The following SAMSN1 variants were observed in gnomAD, a reference collection of about 807,000 sequenced individuals.
SAMSN1 encodes SAM domain, SH3 domain and nuclear localization signals 1, also known as SAM domain-containing protein SAMSN-1.
Under a neutral mutation model 42.0 loss-of-function variants are expected in SAMSN1, and 31 were observed. The observed-to-expected ratio is 0.74, with a 90% CI of 0.55 to 1.00. The LOEUF is 1.00. SAMSN1 is among the 50% of genes least tolerant of loss of function. The pLI, the probability that SAMSN1 is intolerant of heterozygous loss-of-function variation, is 0.00. For synonymous variants in SAMSN1, 178 were observed against 151.9 expected (o/e 1.17, Z -1.26); for missense variants, 464 against 439.4 (o/e 1.06, Z -0.50).
At chr21:14,617,457 A>G (rs118141501) in intron 2 of SAMSN1, among the ~76,000 whole-genome samples, 1 of 152,170 alleles carries the variant, frequency 6.6e-6, no homozygotes, top group South Asian at 2.1e-4. Context: ...AGGAAAGAGG[A>G]TGGCCATCCA....
chr21:14,516,698 G>A (rs1987934825), intron 3 of SAMSN1, among the ~76,000 whole-genome samples, 194 bp downstream of exon 3: 1 of 152,090 alleles, frequency 6.6e-6, no homozygotes, highest in Non-Finnish European at 1.5e-5. Flanking sequence ...GCAGATGCAT[G>A]ATCTTTCTGA....
At chr21:14,580,696 T>C (rs1046360252) in intron 2 of SAMSN1, among the ~76,000 whole-genome samples, 12 of 152,262 alleles carry the variant, frequency 7.9e-5, no homozygotes, top group African/African-American at 2.7e-4. Flanking sequence ...ACTTTAATTC[T>C]AGTCTTTGCA....
intron 1 of SAMSN1, among the ~76,000 whole-genome samples, chr21:14,652,092 A>G (rs1983846248): frequency 1.2e-5 from 1 of 81,386 alleles, no homozygotes; most frequent in South Asian, 3.8e-4. Context: ...TTGAAAGACA[A>G]TTTTGTTAAA....
intron 2 of SAMSN1, among the ~76,000 whole-genome samples, chr21:14,642,336 C>T (rs189560537): frequency 6.6e-6 from 1 of 152,170 alleles, no homozygotes; most frequent in Non-Finnish European, 1.5e-5. Flanking sequence ...ATTCACAGAA[C>T]AATTTGCATT....
At chr21:14,516,100 C>T (rs1405965707) in intron 3 of SAMSN1, among the ~76,000 whole-genome samples, 4 of 152,110 alleles carry the variant, frequency 2.6e-5, no homozygotes, top group Admixed American at 6.5e-5. Flanking sequence ...AAACAATTTG[C>T]CAGTTTCTCT....
At chr21:14,558,998 G>T (rs1401781369) in intron 2 of SAMSN1, among the ~76,000 whole-genome samples, 1 of 152,082 alleles carries the variant, frequency 6.6e-6, no homozygotes, top group Admixed American at 6.6e-5. Flanking sequence ...TCATTGAAAT[G>T]AAATATCTCC....
intron 1 of SAMSN1, among the ~76,000 whole-genome samples, chr21:14,647,145 T>C (rs1387722768): frequency 1.3e-5 from 2 of 152,294 alleles, no homozygotes; most frequent in South Asian, 2.1e-4. Context: ...TGAAAAAACA[T>C]AACCCATCAA....
rs555862013 is a variant in SAMSN1 at position 14,607,790 on chromosome 21, G to A, written c.322+1692C>T. Among the ~76,000 whole-genome samples, 37 of 152,274 alleles carry A rather than the reference G, an allele frequency of 2.4e-4. No homozygotes were observed. In the East Asian group the frequency reaches 6.9e-3, roughly 29 times the overall value. On this transcript the variant is annotated intron_variant, in intron 5 of 15. Coordinates refer to the SAMSN1 transcript ENST00000647101. ...GAAAGGTAGTTTTAGGAAATAGAAT[G>A]CTTGAAGAAATTTATGGAAAAATTT...
At chr21:14,601,976 A>G (rs1982445023) in intron 6 of SAMSN1, 1 of 645,962 alleles carries the variant, frequency 1.5e-6, no homozygotes, top group South Asian at 1.8e-5. Flanking sequence ...GAGCTGAGTA[A>G]CAAGACGATT....
chr21:14,590,031 T>G (rs1982032297), intron 7 of SAMSN1, among the ~76,000 whole-genome samples: 2 of 152,186 alleles, frequency 1.3e-5, no homozygotes, highest in South Asian at 4.1e-4. Flanking sequence ...GACAGTTTTC[T>G]CTAAGTTTTC....
chr21:14,505,229 G>T (rs1400317830), intron 5 of SAMSN1, among the ~76,000 whole-genome samples: 1 of 152,176 alleles, frequency 6.6e-6, no homozygotes, highest in Non-Finnish European at 1.5e-5. Context: ...ATAGCATGAT[G>T]AATGGAATAG....
At chr21:14,625,611 G>A (rs1568835602) in intron 2 of SAMSN1, among the ~76,000 whole-genome samples, 1 of 152,132 alleles carries the variant, frequency 6.6e-6, no homozygotes, top group Non-Finnish European at 1.5e-5. Flanking sequence ...GCAAACCACT[G>A]CTCAATGAGA....
chr21:14,605,135 A>G (rs143439847), intron 5 of SAMSN1, among the ~76,000 whole-genome samples: 2 of 152,344 alleles, frequency 1.3e-5, no homozygotes, highest in Non-Finnish European at 2.9e-5. Context: ...TTTATTTCTA[A>G]TCAGCTTTTA....
At chr21:14,594,453 T>A (rs1426964386) in intron 6 of SAMSN1, among the ~76,000 whole-genome samples, 2 of 152,136 alleles carry the variant, frequency 1.3e-5, no homozygotes, top group Admixed American at 6.6e-5. Context: ...CCCGAATGTT[T>A]TATGAAGCAG....
At chr21:14,587,148 C>A (rs1298962546), upstream of SAMSN1, among the ~76,000 whole-genome samples, 2 of 152,184 alleles carry the variant, frequency 1.3e-5, no homozygotes, top group Non-Finnish European at 2.9e-5. Context: ...CAATAGCATT[C>A]AAATGTGCTT....
chr21:14,541,933 G>T (rs979071410), intron 1 of SAMSN1, among the ~76,000 whole-genome samples: 34 of 150,442 alleles, frequency 2.3e-4, no homozygotes, highest in African/African-American at 7.8e-4. Context: ...TGCTGACGCT[G>T]CAGTGAGTGG....
At chr21:14,536,691 G>A (rs1048333247) in intron 1 of SAMSN1, among the ~76,000 whole-genome samples, 4 of 152,144 alleles carry the variant, frequency 2.6e-5, no homozygotes, top group Non-Finnish European at 4.4e-5. Flanking sequence ...TAAGAAAGAA[G>A]AAGAAGAAGC....
intron 4 of SAMSN1, chr21:14,609,687 T>C: frequency 1.5e-6 from 1 of 666,498 alleles, no homozygotes; most frequent in Non-Finnish European, 2.8e-6. Flanking sequence ...AGTGGTATCT[T>C]AAGAGAGCTC....
chr21:14,511,210 C>T (rs1987674750), intron 4 of SAMSN1, among the ~76,000 whole-genome samples: 1 of 152,154 alleles, frequency 6.6e-6, no homozygotes, highest in African/African-American at 2.4e-5. Context: ...AGGTATAGCT[C>T]CTTCAAGATG....
Sources: gnomAD v4.1 joint callset for allele counts (sites outside exome capture counted in the v4.1 genomes callset) on GRCh38, gnomAD v4.1.1 for gene constraint, MANE v1.5 for transcripts, NCBI Gene and HGNC (gene_info 2026-07-23, HGNC 2026-07-21) for gene names.